Variants in CORO7 observed in about 807,000 individuals in gnomAD.
CORO7 encodes the protein coronin 7.
Under a neutral mutation model 126.6 loss-of-function variants are expected in CORO7, and 107 were observed. The ratio of observed to expected loss-of-function variants is 0.85; its 90% CI spans 0.72 to 0.99. CORO7 has a LOEUF of 0.99. CORO7 is among the 50% of genes least tolerant of loss of function. CORO7 has a pLI of 0.00. For missense variants in CORO7, 1,314 were observed against 1,255.8 expected (o/e 1.05, Z -0.70); for synonymous variants, 603 against 536.8 (o/e 1.12, Z -1.70).
At chr16:4,369,730 C>T (rs1374315193) in intron 9 of CORO7, among the ~76,000 whole-genome samples, 1 of 152,188 alleles carries the variant, frequency 6.6e-6, no homozygotes, top group Admixed American at 6.5e-5. Context: ...CCCGCTCAGG[C>T]CCCTTCCCAC....
At chr16:4,360,640 G>T in intron 19 of CORO7, 92 bp from the exon 20 acceptor site, 2 of 1,439,560 alleles carry the variant, frequency 1.4e-6, no homozygotes, top group Non-Finnish European at 9.3e-7. Context: ...TGCTGGCGCC[G>T]CCCCTCCTCA....
Position 4,397,959 on chromosome 16 carries a change from C to T in CORO7, c.565-2620G>A, listed in dbSNP as rs897285712. Among the ~76,000 whole-genome samples, 6 of 151,728 alleles carry T rather than the reference C, an allele frequency of 4.0e-5. No individual in the cohort carries two copies. The East Asian group carries it at 5.8e-4, about 15-fold the overall frequency. ...TGAGACAGAGTCTCGCTCTGTTGCC[C>T]AGGCCCAAGCGCAGCAGTGCAATCA... is the stretch of plus-strand genomic sequence containing the variant. On this transcript the variant is annotated intron_variant, in intron 6 of 27. Transcript: ENST00000251166.
intron 9 of CORO7, chr16:4,382,240 C>A: frequency 6.2e-7 from 1 of 1,607,240 alleles, no homozygotes; most frequent in East Asian, 2.2e-5. Context: ...CAGCCCTACA[C>A]CAGTCACGCC....
At chr16:4,390,256 C>T (rs2141270246) in intron 7 of CORO7, among the ~76,000 whole-genome samples, 1 of 152,198 alleles carries the variant, frequency 6.6e-6, no homozygotes, top group East Asian at 1.9e-4. Context: ...CTCTGTGCCT[C>T]AGTTTCCATG....
chr16:4,359,945 C>G (rs1425047687), intron 21 of CORO7, among the ~76,000 whole-genome samples: 2 of 137,652 alleles, frequency 1.5e-5, no homozygotes, highest in African/African-American at 5.5e-5. Context: ...CCACTACCCC[C>G]AAAACATCCC....
intron 5 of CORO7, among the ~76,000 whole-genome samples, chr16:4,406,057 T>C (rs1003620857): frequency 6.6e-6 from 1 of 152,248 alleles, no homozygotes. Flanking sequence ...TGGAGTGCAG[T>C]GGTGCAATCT....
rs753277318 is a variant in CORO7, at chr16:4,362,134, G to T, written c.1429C>A (p.Gln477Lys). ...LGPSSKFRHA[Q>K]GTVLHRDSHI... ...CTGTCTCGGTGCAGGACAGTGCCCTGAGCATGGCGGAACTTGGAACTGGGG... is the reference window on the plus strand; with the variant it reads ...CTGTCTCGGTGCAGGACAGTGCCCTTAGCATGGCGGAACTTGGAACTGGGG... Residue 477 changes from glutamine (Q) to lysine (K), a missense_variant, in exon 16 of 28, where the codon CAG (glutamine) becomes AAG (lysine). Coordinates refer to ENST00000251166, the MANE Select transcript of CORO7 (RefSeq NM_024535.5). The surrounding 1 kb of genome is among the most constrained non-coding windows in gnomAD (Gnocchi z 5.3). 2 of 1,608,996 alleles carry T rather than the reference G, an allele frequency of 1.2e-6. No individual in the cohort carries two copies. Among genetic ancestry groups the T allele is most frequent in the Non-Finnish European group, 1.7e-6 (2 of 1,178,778 alleles).
chr16:4,392,566 G>A (rs1043294749), intron 7 of CORO7, among the ~76,000 whole-genome samples: 1 of 152,214 alleles, frequency 6.6e-6, no homozygotes, highest in African/African-American at 2.4e-5. Context: ...ATAGCACCAG[G>A]GCTCAGGTGG....
chr16:4,407,508 G>A lies in CORO7; in HGVS notation c.480C>T (p.Pro160=). ...GGCCAGGGTGGCCTGTACCTGTCAG[G>A]GGCTGCTGCTTGGCTGCGTCCCAGA... ...VKVWDAAKQQ[P]LTELAAHGDL... is the part of the protein sequence containing the mutation. Residue 160 remains proline (P), a synonymous_variant, in exon 5 of 28, where the codon CCC becomes CCT. Transcript: ENST00000251166. The A allele has an allele frequency of 6.4e-7, 1 of 1,567,554 alleles. No individual in the cohort carries two copies. The highest frequency in any genetic ancestry group is 2.4e-5 in the East Asian group (1 of 41,976).
In CORO7 at chr16:4,364,887, C is replaced by G; in HGVS notation, c.932G>C (p.Gly311Ala). The part of the protein sequence containing the change: ...TQCVLESVLR[G>A]AALVPRQALA... ...CGCCTGCCGGGGCACAAGGGCAGCC[C>G]CACGCAGCACGCTCTCCAGGACACA... Residue 311 changes from glycine (G) to alanine (A), a missense_variant, in exon 12 of 28, where the codon GGG becomes GCG. Transcript: ENST00000251166. 11 of 1,611,454 alleles carry G rather than the reference C, an allele frequency of 6.8e-6. No homozygotes were observed. Among genetic ancestry groups the G allele is most frequent in the Non-Finnish European group, 9.3e-6 (11 of 1,179,420 alleles).
rs776918264 is a variant in CORO7 at position 4,360,980 on chromosome 16, C to T, written c.1880G>A (p.Gly627Glu). Residue 627 changes from glycine (G) to glutamate (E), a missense_variant, in exon 19 of 28, where the codon GGA becomes GAA. By Grantham distance (98) the Gly-to-Glu change is moderately conservative (BLOSUM62 -2). Coordinates refer to ENST00000251166, the MANE Select transcript of CORO7 (RefSeq NM_024535.5). ...GCCCTGCAGCTTCAGCCGATCAGCT[C>T]CAGCCTGAAGGTCCCAGATGCGAAC... ...LTVRIWDLQAGADRLKLQGHQ... is the reference protein window; with the variant it reads ...LTVRIWDLQAEADRLKLQGHQ... The T allele has an allele frequency of 2.5e-6, 4 of 1,612,806 alleles. No homozygotes were observed. Among genetic ancestry groups the T allele is most frequent in the Non-Finnish European group, 3.4e-6 (4 of 1,180,014 alleles).
At chr16:4,411,154 C>T (rs912905620) in intron 3 of CORO7, among the ~76,000 whole-genome samples, 4 of 152,118 alleles carry the variant, frequency 2.6e-5, no homozygotes, top group African/African-American at 9.7e-5. Flanking sequence ...CTTTGGGAGG[C>T]CAAGGCGGGA....
In CORO7 at chr16:4,361,965, T is replaced by A. The variant is rs138409506; in HGVS notation, c.1578+20A>T. The A allele has an allele frequency of 6.2e-4, 985 of 1,588,498 alleles. 1 individual carries two copies. The highest frequency in any genetic ancestry group is 1.8e-3 in the Middle Eastern group (11 of 6,032). Reference sequence around the variant, plus strand: ...CAGGCAGGGAACTGAGGGGCAGCCCTGGTGGGGTGGGGCCCTCACCTCAAG... The same window carrying A: ...CAGGCAGGGAACTGAGGGGCAGCCCAGGTGGGGTGGGGCCCTCACCTCAAG... On this transcript the variant is annotated intron_variant, in intron 16 of 27. Coordinates refer to ENST00000251166, the MANE Select transcript of CORO7 (RefSeq NM_024535.5).
intron 23 of CORO7, 154 bp downstream of exon 23, chr16:4,359,142 C>G: frequency 2.5e-6 from 2 of 785,210 alleles, no homozygotes; most frequent in Non-Finnish European, 3.9e-6. Flanking sequence ...CCAGCAGCAA[C>G]TCTTCTTGCC....
intron 1 of CORO7, among the ~76,000 whole-genome samples, chr16:4,415,207 C>T (rs937489836): frequency 6.1e-4 from 93 of 152,158 alleles, no homozygotes; most frequent in African/African-American, 2.2e-3. Context: ...AACCCAACTT[C>T]TTCCGGTGGC....
At chr16:4,413,088 G>A (rs1278675085) in intron 2 of CORO7, among the ~76,000 whole-genome samples, 1 of 152,114 alleles carries the variant, frequency 6.6e-6, no homozygotes, top group Non-Finnish European at 1.5e-5. Flanking sequence ...CTTGCCTGTG[G>A]TTTGTACACA....
intron 9 of CORO7, among the ~76,000 whole-genome samples, chr16:4,368,804 C>CA (rs970991650): frequency 6.6e-5 from 10 of 151,072 alleles, no homozygotes; most frequent in African/African-American, 2.2e-4. Context: ...GACCCTATCT[C>CA]AAAAAAATAA....
intron 9 of CORO7, among the ~76,000 whole-genome samples, chr16:4,371,400 T>G (rs556633402): frequency 2.0e-5 from 3 of 152,318 alleles, no homozygotes; most frequent in Non-Finnish European, 4.4e-5. Context: ...CCTAAAAATC[T>G]GGATTTCCAG....
At chr16:4,355,499 C>G in intron 26 of CORO7, 127 bp from the exon 27 acceptor site, 1 of 1,071,052 alleles carries the variant, frequency 9.3e-7, no homozygotes, top group Non-Finnish European at 1.3e-6. Context: ...GAGTCTTGCT[C>G]TGTCGCCCAG....
Sources: allele counts gnomAD v4.1 joint callset (sites outside exome capture counted in the v4.1 genomes callset), GRCh38; gene constraint gnomAD v4.1.1; non-coding constraint Gnocchi (gnomAD v3.1); transcripts MANE v1.5; gene names NCBI Gene and HGNC (gene_info 2026-07-23, HGNC 2026-07-21).